KCNIP4: variants seen among roughly 807,000 people sequenced by gnomAD.
KCNIP4 encodes potassium voltage-gated channel interacting protein 4.
A neutral mutation model predicts 34.0 loss-of-function variants in KCNIP4; 12 were observed. The ratio of observed to expected loss-of-function variants is 0.35; its 90% CI spans 0.23 to 0.57. The LOEUF is 0.57. Among genes scored for constraint, KCNIP4 ranks in the 20% least tolerant of loss-of-function variants. The pLI, the probability that KCNIP4 is intolerant of heterozygous loss-of-function variation, is 0.83. For synonymous variants in KCNIP4, 124 were observed against 102.2 expected, an observed-to-expected ratio of 1.21 and a Z score of -1.29; for missense variants, 238 against 311.7, an observed-to-expected ratio of 0.76 and a Z score of 1.78.
intron 1 of KCNIP4, among the ~76,000 whole-genome samples, chr4:21,359,959 A>C (rs1225632633): frequency 6.6e-6 from 1 of 152,168 alleles, no homozygotes; most frequent in African/African-American, 2.4e-5. Context: ...AATGAGATTT[A>C]AATCTGAGAA....
chr4:21,236,754 T>C (rs936626276), intron 1 of KCNIP4, among the ~76,000 whole-genome samples: 1 of 151,826 alleles, frequency 6.6e-6, no homozygotes, highest in Non-Finnish European at 1.5e-5. Context: ...TCATGTCTGT[T>C]ATCCCAGCAC....
intron 1 of KCNIP4, among the ~76,000 whole-genome samples, chr4:21,298,151 T>A (rs960977371): frequency 6.6e-6 from 1 of 152,118 alleles, no homozygotes; most frequent in African/African-American, 2.4e-5. Context: ...CTTTTTTTCA[T>A]CCTCTTTGTC....
chr4:20,798,641 T>C (rs369590010), intron 3 of KCNIP4, among the ~76,000 whole-genome samples: 27 of 152,134 alleles, frequency 1.8e-4, no homozygotes, highest in African/African-American at 5.3e-4. Flanking sequence ...CTGTAGAGCA[T>C]AGAAACCCAG....
intron 1 of KCNIP4, among the ~76,000 whole-genome samples, chr4:20,889,126 G>C (rs1725638410): frequency 1.3e-5 from 2 of 151,986 alleles, no homozygotes; most frequent in Non-Finnish European, 2.9e-5. Context: ...GAGATATCTG[G>C]GTTTTTTTCC....
At chr4:21,455,189 G>A (rs1203368238) in intron 1 of KCNIP4, among the ~76,000 whole-genome samples, 2 of 151,926 alleles carry the variant, frequency 1.3e-5, no homozygotes, top group Non-Finnish European at 2.9e-5. Context: ...ATCTACACCT[G>A]GCCCAATCAG....
chr4:21,853,997 T>G (rs1724590580), intron 1 of KCNIP4, among the ~76,000 whole-genome samples: 1 of 152,270 alleles, frequency 6.6e-6, no homozygotes, highest in African/African-American at 2.4e-5. Context: ...GGTAATAAGT[T>G]CAGTGATCAC....
intron 1 of KCNIP4, among the ~76,000 whole-genome samples, chr4:21,422,895 G>A (rs753098568): frequency 2.2e-4 from 33 of 152,160 alleles, no homozygotes; most frequent in Non-Finnish European, 4.1e-4. Flanking sequence ...ACCACTGGTT[G>A]ACCAGAAGAT....
intron 1 of KCNIP4, among the ~76,000 whole-genome samples, chr4:20,972,782 G>A (rs549598194): frequency 3.3e-5 from 5 of 151,842 alleles, no homozygotes; most frequent in Non-Finnish European, 7.4e-5. Context: ...TTTTAAGTCA[G>A]GCAAAAAGTT....
Position 21,368,393 on chromosome 4 carries a change from T to C in KCNIP4, c.62-485684A>G, listed in dbSNP as rs1196805418. Among the ~76,000 whole-genome samples the C allele has an allele frequency of 2.0e-5, 3 of 147,276 alleles. 1 individual carries two copies. The highest frequency in any genetic ancestry group is 8.1e-5 in the African/African-American group (3 of 36,914). On this transcript the variant is annotated intron_variant, in intron 1 of 8. Transcript: ENST00000382152. Reference sequence around the variant, plus strand: ...AAATCGTATCTAATACACGTGCTTATGTAAGGGAGACATACACTCCCCCCA... The same window carrying C: ...AAATCGTATCTAATACACGTGCTTACGTAAGGGAGACATACACTCCCCCCA...
intron 1 of KCNIP4, among the ~76,000 whole-genome samples, chr4:20,911,588 GT>G (rs770670860): frequency 3.9e-5 from 6 of 152,146 alleles, no homozygotes; most frequent in Non-Finnish European, 7.4e-5. Flanking sequence ...GATGAGTGCA[GT>G]AAGGCTAAAT....
At chr4:20,954,016 G>T (rs1733052273) in intron 1 of KCNIP4, among the ~76,000 whole-genome samples, 1 of 152,068 alleles carries the variant, frequency 6.6e-6, no homozygotes, top group South Asian at 2.1e-4. Context: ...TTTTATAAAG[G>T]CATCGTGCAA....
In KCNIP4 at chr4:21,037,804, A is replaced by AT. The variant is rs577723582; in HGVS notation, c.62-155096dup. On this transcript the variant is annotated intron_variant, in intron 1 of 8. Transcript: ENST00000382152. Reference sequence around the variant, plus strand: ...AAGGTCTCGCAAACCCTCAACTTGGATTTTTTTTTTTACAGCAAATTAGTT... The same window carrying AT: ...AAGGTCTCGCAAACCCTCAACTTGGATTTTTTTTTTTTACAGCAAATTAGTT... 8.4e-3 allele frequency among the ~76,000 whole-genome samples: 1,242 copies of AT among 148,508 alleles called. 29 individuals carry two copies. Among genetic ancestry groups the AT allele is most frequent in the African/African-American group, 0.027 (1,110 of 40,704 alleles).
At chr4:21,438,621 T>C (rs1727165800) in intron 1 of KCNIP4, among the ~76,000 whole-genome samples, 1 of 152,122 alleles carries the variant, frequency 6.6e-6, no homozygotes, top group African/African-American at 2.4e-5. Context: ...GATGGTTATA[T>C]GAAAAAAGGT....
intron 1 of KCNIP4, among the ~76,000 whole-genome samples, chr4:21,234,504 CATATAACGTATAT>C: frequency 8.5e-6 from 1 of 118,296 alleles, no homozygotes; most frequent in Non-Finnish European, 1.6e-5. Flanking sequence ...ATATATATTA[CATATAACGTATAT>C]AATATATATT....
intron 1 of KCNIP4, among the ~76,000 whole-genome samples, chr4:21,258,823 A>T (rs1761257043): frequency 2.6e-5 from 4 of 152,182 alleles, no homozygotes; most frequent in Admixed American, 2.6e-4. Flanking sequence ...ACATTCCTAC[A>T]TTTGCATAAA....
At position 21,696,610 on chromosome 4, in the gene KCNIP4, A is replaced by G. The variant is rs537909535; in HGVS notation, c.61+251961T>C. Among the ~76,000 whole-genome samples, 31 of 152,238 alleles carry G rather than the reference A, an allele frequency of 2.0e-4. No individual in the cohort carries two copies. The South Asian group carries it at 6.4e-3, about 32-fold the overall frequency. ...TATCAGTGTCAAGTATTTTAGTCCC[A>G]CCTGTCACTAATTTAATGACGGCAT... On this transcript the variant is annotated intron_variant, in intron 1 of 8. Transcript: ENST00000382152.
chr4:20,758,799 A>T lies in KCNIP4; in HGVS notation c.358+22T>A, dbSNP rs200980103. 7.6e-6 allele frequency: 12 copies of T among 1,586,540 alleles called. No homozygotes were observed. In the South Asian group the frequency reaches 1.2e-4, roughly 16 times the overall value. On this transcript the variant is annotated intron_variant, in intron 4 of 8. Coordinates refer to ENST00000382152, the MANE Select transcript of KCNIP4 (RefSeq NM_025221.6). The stretch of plus-strand genomic sequence containing the variant: ...TAATTGTAACTCTGATAGTATGTTA[A>T]CAAGTCCACATTTGTACTTACCTCC...
intron 1 of KCNIP4, among the ~76,000 whole-genome samples, chr4:21,636,389 G>GT (rs1314052928): frequency 6.6e-6 from 1 of 151,742 alleles, no homozygotes; most frequent in Non-Finnish European, 1.5e-5. Context: ...GAAAAGTAAT[G>GT]TTTTCCTAAA....
chr4:21,773,339 T>C (rs1718934772), intron 1 of KCNIP4, among the ~76,000 whole-genome samples: 1 of 152,192 alleles, frequency 6.6e-6, no homozygotes, highest in Non-Finnish European at 1.5e-5. Context: ...CTCCCAAGTA[T>C]GTGGTCAATT....
Sources: allele counts gnomAD v4.1 joint callset (sites outside exome capture counted in the v4.1 genomes callset), GRCh38; gene constraint gnomAD v4.1.1; transcripts MANE v1.5; gene names NCBI Gene and HGNC (gene_info 2026-07-23, HGNC 2026-07-21).